KDM4C: variants seen among roughly 807,000 people sequenced by gnomAD.
KDM4C encodes the protein lysine demethylase 4C.
In KDM4C, 81 loss-of-function variants were observed where a neutral mutation model predicts 129.3. The observed-to-expected ratio is 0.63, with a 90% confidence interval of 0.52 to 0.75. The LOEUF is 0.75. Among genes scored for constraint, KDM4C ranks in the 30% least tolerant of loss-of-function variants. The pLI, the probability that KDM4C is intolerant of heterozygous loss-of-function variation, is 0.00. For synonymous variants in KDM4C, 573 were observed against 456.1 expected, an observed-to-expected ratio of 1.26 and a Z score of -3.26; for missense variants, 1,457 against 1,304.0, an observed-to-expected ratio of 1.12 and a Z score of -1.81.
At chr9:6,919,223 C>CTTTCTTTCTTTCTTTCTT (rs532687391) in intron 8 of KDM4C, among the ~76,000 whole-genome samples, 1 of 108,914 alleles carries the variant, frequency 9.2e-6, no homozygotes, top group African/African-American at 3.1e-5. Context: ...TTTCTTTTTC[C>CTTTCTTTCTTTCTTTCTT]TTCTTTCTTT....
chr9:7,072,757 T>C (rs893295042), intron 17 of KDM4C, among the ~76,000 whole-genome samples: 5 of 152,216 alleles, frequency 3.3e-5, no homozygotes, highest in South Asian at 2.1e-4. Flanking sequence ...ATGAACTTTA[T>C]GTTATTTACG....
At chr9:7,001,871 C>A (rs894102520) in intron 12 of KDM4C, among the ~76,000 whole-genome samples, 1 of 151,928 alleles carries the variant, frequency 6.6e-6, no homozygotes, top group Non-Finnish European at 1.5e-5. Flanking sequence ...GCTTATGAAT[C>A]TGGAGGTTTT....
At chr9:6,956,112 G>T (rs1829020064) in intron 8 of KDM4C, among the ~76,000 whole-genome samples, 1 of 152,156 alleles carries the variant, frequency 6.6e-6, no homozygotes, top group South Asian at 2.1e-4. Flanking sequence ...AGGGTAGTTG[G>T]GGGTGGTGAT....
intron 17 of KDM4C, among the ~76,000 whole-genome samples, chr9:7,069,653 C>A (rs1832928169): frequency 6.6e-6 from 1 of 152,004 alleles, no homozygotes; most frequent in Non-Finnish European, 1.5e-5. Flanking sequence ...AATATTAAAA[C>A]CAGGAAAGTA....
intron 15 of KDM4C, among the ~76,000 whole-genome samples, chr9:7,034,936 T>G (rs890746914): frequency 1.1e-4 from 16 of 152,230 alleles, no homozygotes; most frequent in African/African-American, 3.9e-4. Context: ...TTACCCTTTC[T>G]TTTTGTATAT....
chr9:6,915,836 C>G (rs114078717), intron 8 of KDM4C, among the ~76,000 whole-genome samples: 1,991 of 152,258 alleles, frequency 0.013, 37 homozygotes, highest in African/African-American at 0.046. Context: ...TATCAAGTGT[C>G]AGGTTGCAGT....
chr9:6,748,945 C>G (rs1817978325), intron 1 of KDM4C: 1 of 904,638 alleles, frequency 1.1e-6, no homozygotes, highest in African/African-American at 1.6e-5. Context: ...TGCACCATAA[C>G]CTTCTGCACT....
intron 17 of KDM4C, among the ~76,000 whole-genome samples, chr9:7,079,073 G>T (rs1834239366): frequency 6.6e-6 from 1 of 152,240 alleles, no homozygotes; most frequent in East Asian, 1.9e-4. Context: ...TACATTTTTG[G>T]TACAGTGAGC....
At chr9:6,947,363 T>C (rs890631320) in intron 8 of KDM4C, among the ~76,000 whole-genome samples, 6 of 152,172 alleles carry the variant, frequency 3.9e-5, no homozygotes, top group Non-Finnish European at 7.4e-5. Context: ...TTAAAATTCT[T>C]TCCTTTTTGT....
intron 8 of KDM4C, among the ~76,000 whole-genome samples, chr9:6,917,125 A>C (rs1273811153): frequency 6.6e-6 from 1 of 152,204 alleles, no homozygotes; most frequent in African/African-American, 2.4e-5. Flanking sequence ...GTGGGAAGTT[A>C]GGCATGAATT....
intron 8 of KDM4C, among the ~76,000 whole-genome samples, chr9:6,966,564 C>G (rs1237734852): frequency 6.6e-6 from 1 of 152,192 alleles, no homozygotes; most frequent in Non-Finnish European, 1.5e-5. Flanking sequence ...GTAAAAATAT[C>G]TCTGTTTGTA....
chr9:7,173,478 G>A (rs1392003162), intron 21 of KDM4C, among the ~76,000 whole-genome samples: 4 of 152,196 alleles, frequency 2.6e-5, no homozygotes, highest in African/African-American at 7.2e-5. Context: ...ATCATGTAGA[G>A]TCTTATAATA....
At chr9:7,096,840 G>A (rs912588857) in intron 17 of KDM4C, among the ~76,000 whole-genome samples, 23 of 152,102 alleles carry the variant, frequency 1.5e-4, no homozygotes, top group South Asian at 4.2e-4. Flanking sequence ...TCAGAGAATT[G>A]TAATAAAATG....
intron 5 of KDM4C, among the ~76,000 whole-genome samples, chr9:6,858,368 C>T (rs1217334351): frequency 1.3e-5 from 2 of 152,066 alleles, no homozygotes; most frequent in East Asian, 1.9e-4. Flanking sequence ...CGACCACCAC[C>T]ACCTACAACA....
At chr9:6,800,559 G>A (rs1310835388) in intron 2 of KDM4C, among the ~76,000 whole-genome samples, 1 of 152,066 alleles carries the variant, frequency 6.6e-6, no homozygotes, top group African/African-American at 2.4e-5. Context: ...ATAAAATAAT[G>A]AGGGTGTGAT....
At chr9:6,895,579 G>A (rs887533550) in intron 8 of KDM4C, among the ~76,000 whole-genome samples, 3 of 152,108 alleles carry the variant, frequency 2.0e-5, no homozygotes, top group Non-Finnish European at 4.4e-5. Flanking sequence ...TACTACTACA[G>A]GGGGTACCAA....
At chr9:6,810,649 A>G (rs141705253) in intron 3 of KDM4C, among the ~76,000 whole-genome samples, 3 of 152,196 alleles carry the variant, frequency 2.0e-5, no homozygotes, top group Middle Eastern at 3.4e-3. Context: ...AGGTTGGAGA[A>G]TTGCTTGAGC....
intron 17 of KDM4C, among the ~76,000 whole-genome samples, chr9:7,052,983 G>A (rs818867): frequency 0.99 from 150,415 of 151,420 alleles, 74,718 homozygotes; most frequent in Middle Eastern, 1. Flanking sequence ...CCAAAGGACA[G>A]TTTTTTAGTT....
In KDM4C at chr9:6,984,183, C is replaced by A; in HGVS notation, c.1133C>A (p.Ser378Tyr). ...GTTGACAGCTTCCAGTGTGCTAGGT[C>A]TACCTCTAAAAGGCCTAAGGCTGAT... is the stretch of plus-strand genomic sequence containing the variant. ...KASRSFQCARSTSKRPKADEE... is the reference protein window; with the variant it reads ...KASRSFQCARYTSKRPKADEE... Residue 378 changes from serine (S) to tyrosine (Y), a missense_variant, in exon 10 of 22, where the codon TCT becomes TAT. Ser to Tyr is a moderately radical substitution (Grantham distance 144). Coordinates refer to ENST00000381309, the MANE Select transcript of KDM4C (RefSeq NM_015061.6). 1 of 1,613,406 alleles carries A rather than the reference C, an allele frequency of 6.2e-7. No individual in the cohort carries two copies. The highest frequency in any genetic ancestry group is 1.1e-5 in the South Asian group (1 of 90,994).
Sources: gnomAD v4.1 joint callset for allele counts (sites outside exome capture counted in the v4.1 genomes callset) on GRCh38, gnomAD v4.1.1 for gene constraint, MANE v1.5 for transcripts, NCBI Gene and HGNC (gene_info 2026-07-23, HGNC 2026-07-21) for gene names.